Variants in CECR2 observed in about 807,000 individuals in gnomAD.
The protein encoded by CECR2 is chromatin remodeling regulator CECR2.
Under a neutral mutation model 154.5 loss-of-function variants are expected in CECR2, and 30 were observed. The observed-to-expected ratio is 0.19, with a 90% CI of 0.15 to 0.26. The LOEUF (loss-of-function observed/expected upper bound fraction) is 0.26. CECR2 is among the 10% of genes least tolerant of loss of function. The pLI, the probability that CECR2 is intolerant of heterozygous loss-of-function variation, is 1.00. For synonymous variants in CECR2, 725 were observed against 683.7 expected, an observed-to-expected ratio of 1.06 and a Z score of -0.94; for missense variants, 1,743 against 1,829.3, an observed-to-expected ratio of 0.95 and a Z score of 0.86.
rs1455136204 is a variant in CECR2, at chr22:17,417,419, T to A, written c.126+47510T>A. Among the ~76,000 whole-genome samples the A allele has an allele frequency of 2.0e-5, 3 of 152,228 alleles. No homozygotes were observed. The East Asian group carries it at 5.8e-4, about 29-fold the overall frequency. On this transcript the variant is annotated intron_variant, in intron 1 of 18. Coordinates refer to ENST00000262608, the MANE Select transcript of CECR2 (RefSeq NM_001290047.2). ...TCTCTGGAATTTACTTGGAAGCAGA[T>A]CTTCTGGATAGCTGAGATTTCCATA...
rs556417984 is a variant in CECR2 at position 17,549,349 on chromosome 22, G to T, written c.4062G>T (p.Pro1354=). The T allele has an allele frequency of 6.2e-7, 1 of 1,613,866 alleles. No individual in the cohort carries two copies. Among genetic ancestry groups the T allele is most frequent in the Non-Finnish European group, 8.5e-7 (1 of 1,179,854 alleles). ...GGCCTCCCTATACCCCTCAGCGGCC[G>T]GCCAGTCACTTTCAGCCCAGGGCTT... ...QTGPPYTPQR[P]ASHFQPRAYS... Residue 1354 remains proline (P), a synonymous_variant, in exon 17 of 19, where the codon CCG becomes CCT. Transcript: ENST00000262608.
At chr22:17,505,919 A>C (rs1034362721) in intron 7 of CECR2, among the ~76,000 whole-genome samples, 1 of 140,010 alleles carries the variant, frequency 7.1e-6, no homozygotes, top group African/African-American at 2.7e-5. Flanking sequence ...GTCACAGCTC[A>C]CTGTAGCCTC....
intron 1 of CECR2, among the ~76,000 whole-genome samples, chr22:17,381,893 T>TG (rs1555900161): frequency 1.9e-3 from 277 of 148,536 alleles, no homozygotes; most frequent in African/African-American, 4.1e-3. Context: ...CATTTTTTTT[T>TG]TTTGTTTTTT....
chr22:17,428,826 G>GTGTGTGTATATA (rs369291932), intron 1 of CECR2, among the ~76,000 whole-genome samples: 180 of 150,702 alleles, frequency 1.2e-3, no homozygotes, highest in African/African-American at 4.2e-3. Context: ...GTGTGTGTGT[G>GTGTGTGTATATA]TATATAAAGG....
At chr22:17,453,938 T>C (rs149574581) in intron 1 of CECR2, among the ~76,000 whole-genome samples, 8 of 152,306 alleles carry the variant, frequency 5.3e-5, no homozygotes, top group African/African-American at 1.9e-4. Context: ...CAGCTGGAAA[T>C]GGTCAGAGTG....
intron 2 of CECR2, among the ~76,000 whole-genome samples, chr22:17,481,115 G>A (rs544472976): frequency 3.6e-4 from 54 of 148,936 alleles, no homozygotes; most frequent in African/African-American, 1.3e-3. Context: ...AGGTGGAGGC[G>A]GGCAGATCAC....
chr22:17,430,597 C>G (rs569570530), intron 1 of CECR2, among the ~76,000 whole-genome samples: 1 of 152,200 alleles, frequency 6.6e-6, no homozygotes, highest in African/African-American at 2.4e-5. Context: ...TTAGACTGCC[C>G]TGTCAGATTG....
chr22:17,420,937 G>A (rs1490881437), intron 1 of CECR2, among the ~76,000 whole-genome samples: 1 of 152,108 alleles, frequency 6.6e-6, no homozygotes, highest in African/African-American at 2.4e-5. Flanking sequence ...GGTATTATGA[G>A]GACCTCGTAA....
chr22:17,531,547 G>A (rs568382353), intron 9 of CECR2, among the ~76,000 whole-genome samples: 4 of 152,314 alleles, frequency 2.6e-5, no homozygotes, highest in South Asian at 2.1e-4. Flanking sequence ...ATCAGAAAAG[G>A]CTTCATAACA....
At chr22:17,375,279 A>G (rs1471498538) in intron 1 of CECR2, among the ~76,000 whole-genome samples, 1 of 151,500 alleles carries the variant, frequency 6.6e-6, no homozygotes, top group African/African-American at 2.4e-5. Context: ...ATGCCTGGCT[A>G]ATTTTTGTGT....
chr22:17,487,870 G>GTATTTATTTATTTATT lies in CECR2; in HGVS notation c.222-9519_222-9504dup, dbSNP rs112338023. On this transcript the variant is annotated intron_variant, in intron 2 of 18. Transcript: ENST00000262608. ...CAACATTGTATATTCAATTTTTCAT[G>GTATTTATTTATTTATT]TATTTATTTATTTATTTATTTATTT... Among the ~76,000 whole-genome samples the GTATTTATTTATTTATT allele has an allele frequency of 2.5e-4, 37 of 150,790 alleles. No individual in the cohort carries two copies. The East Asian group carries it at 6.2e-3, about 25-fold the overall frequency.
chr22:17,486,427 C>G (rs1447178838), intron 2 of CECR2, among the ~76,000 whole-genome samples: 2 of 152,192 alleles, frequency 1.3e-5, no homozygotes, highest in African/African-American at 2.4e-5. Context: ...GCTGTGGAAC[C>G]CTGTGTGCCT....
Position 17,457,948 on chromosome 22 carries a change from A to G in CECR2, c.127-19640A>G, listed in dbSNP as rs2054879326. On this transcript the variant is annotated intron_variant, in intron 1 of 18. Transcript: ENST00000262608. The stretch of plus-strand genomic sequence containing the variant: ...ATTTCATTTACATATAACATCATTG[A>G]AATAATAACATTATAGAGACAGAGA... Among the ~76,000 whole-genome samples, 4 of 152,328 alleles carry G rather than the reference A, an allele frequency of 2.6e-5. No individual in the cohort carries two copies. In the South Asian group the frequency reaches 8.3e-4, roughly 32 times the overall value.
At chr22:17,501,426 CG>C (rs1341748418) in intron 5 of CECR2, among the ~76,000 whole-genome samples, 1 of 151,966 alleles carries the variant, frequency 6.6e-6, no homozygotes, top group African/African-American at 2.4e-5. Flanking sequence ...GTCGTGGTGG[CG>C]GGTGCCTGTA....
At chr22:17,420,915 C>A (rs1013651998) in intron 1 of CECR2, among the ~76,000 whole-genome samples, 3 of 152,136 alleles carry the variant, frequency 2.0e-5, no homozygotes, top group African/African-American at 7.2e-5. Context: ...CTGTCCCTCA[C>A]CCACATTGAG....
At chr22:17,432,643 TA>T (rs1255297192) in intron 1 of CECR2, among the ~76,000 whole-genome samples, 28 of 152,200 alleles carry the variant, frequency 1.8e-4, no homozygotes, top group Admixed American at 2.0e-4. Context: ...TTTTTATTTT[TA>T]TTTTTTTAAG....
At chr22:17,405,222 C>A (rs538881110) in intron 1 of CECR2, among the ~76,000 whole-genome samples, 5 of 152,094 alleles carry the variant, frequency 3.3e-5, no homozygotes, top group Admixed American at 3.3e-4. Context: ...CCAGCCTGGC[C>A]AACATAGTGA....
At chr22:17,426,879 A>G (rs1446113846) in intron 1 of CECR2, among the ~76,000 whole-genome samples, 1 of 151,856 alleles carries the variant, frequency 6.6e-6, no homozygotes, top group Non-Finnish European at 1.5e-5. Flanking sequence ...TTTTTTTTAA[A>G]TTATACTTTA....
chr22:17,545,525 G>A (rs1459603840), intron 16 of CECR2, among the ~76,000 whole-genome samples: 1 of 151,898 alleles, frequency 6.6e-6, no homozygotes, highest in Admixed American at 6.6e-5. Context: ...TACCTGGCAG[G>A]AGAATGGACA....
Sources: gnomAD v4.1 joint callset for allele counts (sites outside exome capture counted in the v4.1 genomes callset) on GRCh38, gnomAD v4.1.1 for gene constraint, MANE v1.5 for transcripts, NCBI Gene and HGNC (gene_info 2026-07-23, HGNC 2026-07-21) for gene names.